Variants in CHD1L observed in about 807,000 individuals in gnomAD.
CHD1L encodes ATP-dependent chromatin remodeler CHD1L.
Under a neutral mutation model 115.9 loss-of-function variants are expected in CHD1L, and 118 were observed. The observed-to-expected ratio is 1.02, with a 90% confidence interval of 0.88 to 1.19. The LOEUF is 1.19. Among genes scored for constraint, CHD1L ranks in the 50% most tolerant of loss-of-function variants. The pLI is 0.00. For missense variants in CHD1L, 1,179 were observed against 1,065.3 expected (o/e 1.11, Z -1.49); for synonymous variants, 411 against 387.1 (o/e 1.06, Z -0.72).
At chr1:147,291,671 CAA>C in intron 20 of CHD1L, 119 bp downstream of exon 20, 3 of 739,618 alleles carry the variant, frequency 4.1e-6, no homozygotes, top group Non-Finnish European at 7.2e-6. Flanking sequence ...GCTGCCATAA[CAA>C]AAAGACACAG....
At chr1:147,264,621 T>C (rs1553946729) in intron 7 of CHD1L, 37 bp downstream of exon 7, 1 of 1,606,774 alleles carries the variant, frequency 6.2e-7, no homozygotes, top group Non-Finnish European at 8.5e-7. Context: ...CCAAGAAGCC[T>C]TGGCACAGAA....
rs782736815 is a variant in CHD1L, at chr1:147,242,728, C to G, written c.25C>G (p.Arg9Gly). 2.4e-6 allele frequency: 3 copies of G among 1,258,582 alleles called. No homozygotes were observed. The highest frequency in any genetic ancestry group is 3.1e-5 in the African/African-American group (2 of 65,130). The allele number at this position is 1,258,582 out of a possible 1,614,324, so 78.0% of individuals were successfully genotyped here. ...GATGGAGCGCGCGGGCGCTACTAGCCGCGGGGGCCAAGCCCCTGGCTTCTT... is the reference window on the plus strand; with the variant it reads ...GATGGAGCGCGCGGGCGCTACTAGCGGCGGGGGCCAAGCCCCTGGCTTCTT... MERAGATS[R>G]GGQAPGFLLR... The change falls in exon 1 of 23, where the codon CGC (arginine) becomes GGC (glycine). Residue 9 changes from arginine to glycine, a missense_variant. By Grantham distance (125) the Arg-to-Gly change is moderately radical. Coordinates refer to ENST00000369258, the MANE Select transcript of CHD1L (RefSeq NM_004284.6).
the CHD1L span, chr1:147,186,752 A>G: frequency 6.9e-7 from 1 of 1,441,948 alleles, no homozygotes. Flanking sequence ...GTTTCATTGT[A>G]GGAAAAAGGA....
chr1:147,287,799 ATCGT>A, intron 19 of CHD1L, 66 bp downstream of exon 19: 1 of 1,336,464 alleles, frequency 7.5e-7, no homozygotes, highest in East Asian at 2.3e-5. Flanking sequence ...CTAAGACTGT[ATCGT>A]GAGGGTTACA....
the CHD1L span, among the ~76,000 whole-genome samples, chr1:147,218,425 G>A: frequency 1.1e-5 from 1 of 91,966 alleles, no homozygotes; most frequent in African/African-American, 7.5e-5. Context: ...TTTTAGTAGA[G>A]ACGGGTTTCA....
the CHD1L span, among the ~76,000 whole-genome samples, chr1:147,235,766 G>T: frequency 3.3e-5 from 5 of 152,130 alleles, no homozygotes; most frequent in Non-Finnish European, 7.4e-5. Flanking sequence ...TTTAGAGTAG[G>T]GTGAATCATG....
intron 15 of CHD1L, among the ~76,000 whole-genome samples, chr1:147,280,698 T>C (rs1680505568): frequency 6.6e-6 from 1 of 152,222 alleles, no homozygotes; most frequent in African/African-American, 2.4e-5. Context: ...TGTCTTTCTC[T>C]TAATTTTCTT....
chr1:147,211,445 T>G, the CHD1L span: 1 of 152,088 alleles, frequency 6.6e-6, no homozygotes, highest in Non-Finnish European at 1.5e-5. Context: ...ATGAAATAAT[T>G]TTTGTGGTTA....
At chr1:147,191,435 C>T in the CHD1L span, among the ~76,000 whole-genome samples, 9 of 152,072 alleles carry the variant, frequency 5.9e-5, no homozygotes, top group South Asian at 4.2e-4. Flanking sequence ...TGATGGCCAG[C>T]GATGATGAGA....
chr1:147,294,112 AGT>A (rs1473340772), intron 21 of CHD1L, among the ~76,000 whole-genome samples: 2 of 152,290 alleles, frequency 1.3e-5, no homozygotes, highest in Non-Finnish European at 2.9e-5. Context: ...TTCGAAACCT[AGT>A]GTGTCTCAGA....
the CHD1L span, chr1:147,187,178 A>C: frequency 3.1e-6 from 5 of 1,614,014 alleles, no homozygotes; most frequent in African/African-American, 6.7e-5. Context: ...ACCCCCACCA[A>C]ATCAGCAAGC....
At chr1:147,179,666 A>T in the CHD1L span, 1 of 1,181,864 alleles carries the variant, frequency 8.5e-7, no homozygotes, top group Non-Finnish European at 1.3e-6. Flanking sequence ...GGACTCTTCC[A>T]CCAGAGATGG....
chr1:147,173,422 A>C, the CHD1L span: 1 of 152,294 alleles, frequency 6.6e-6, no homozygotes, highest in African/African-American at 2.4e-5. Context: ...TCCTTGACAA[A>C]TTAGTAAAAT....
At chr1:147,280,833 T>C (rs1206573485) in intron 15 of CHD1L, among the ~76,000 whole-genome samples, 1 of 152,208 alleles carries the variant, frequency 6.6e-6, no homozygotes, top group Non-Finnish European at 1.5e-5. Flanking sequence ...GTAGTTATTT[T>C]GAAATGACTT....
the CHD1L span, among the ~76,000 whole-genome samples, chr1:147,228,980 GT>G: frequency 1.3e-5 from 2 of 152,132 alleles, no homozygotes; most frequent in Admixed American, 6.5e-5. Context: ...TCTGATGGTA[GT>G]TTCTTTTGCT....
rs1215347295 is a variant in CHD1L at position 147,248,729 on chromosome 1, T to TA, written c.128-3893dup. On this transcript the variant is annotated intron_variant, in intron 1 of 22. Transcript: ENST00000369258. Reference sequence around the variant, plus strand: ...CTTTGTGTAGCTTTTTAGTGGTCGTTACGGGTATTGTATGTAAATGTACGT... The same window carrying TA: ...CTTTGTGTAGCTTTTTAGTGGTCGTTAACGGGTATTGTATGTAAATGTACGT... Among the ~76,000 whole-genome samples the TA allele has an allele frequency of 4.6e-5, 7 of 152,198 alleles. No homozygotes were observed. In the East Asian group the frequency reaches 1.2e-3, roughly 25 times the overall value.
At chr1:147,271,121 CATT>C in intron 11 of CHD1L, 116 bp downstream of exon 11, 1 of 939,050 alleles carries the variant, frequency 1.1e-6, no homozygotes, top group Non-Finnish European at 1.6e-6. Flanking sequence ...AGGGTGAGAA[CATT>C]ATTCAGAACC....
At chr1:147,272,928 G>A (rs587729858) in intron 12 of CHD1L, among the ~76,000 whole-genome samples, 3 of 147,254 alleles carry the variant, frequency 2.0e-5, no homozygotes, top group South Asian at 4.3e-4. Flanking sequence ...AGGCCGGCAC[G>A]GTGGCCCATG....
the CHD1L span, among the ~76,000 whole-genome samples, chr1:147,212,766 G>A: frequency 1.3e-5 from 2 of 152,100 alleles, no homozygotes; most frequent in Non-Finnish European, 1.5e-5. Context: ...AACTCAGGAT[G>A]TGTTTGTATT....
Sources: allele counts gnomAD v4.1 joint callset (sites outside exome capture counted in the v4.1 genomes callset), GRCh38; gene constraint gnomAD v4.1.1; transcripts MANE v1.5; gene names NCBI Gene and HGNC (gene_info 2026-07-23, HGNC 2026-07-21).